MBNL2: variants seen among roughly 807,000 people sequenced by gnomAD.
MBNL2 encodes muscleblind like splicing regulator 2, also known as muscleblind-like protein 2.
In MBNL2, 17 loss-of-function variants were observed where a neutral mutation model predicts 41.9. The ratio of observed to expected loss-of-function variants is 0.41; its 90% CI spans 0.28 to 0.61. The LOEUF (loss-of-function observed/expected upper bound fraction) is 0.61. Among genes scored for constraint, MBNL2 ranks in the 20% least tolerant of loss-of-function variants. The pLI is 0.35. For missense variants in MBNL2, 336 were observed against 505.6 expected, an observed-to-expected ratio of 0.66 and a Z score of 3.22; for synonymous variants, 195 against 182.9, an observed-to-expected ratio of 1.07 and a Z score of -0.53.
intron 2 of MBNL2, among the ~76,000 whole-genome samples, chr13:97,321,566 G>A (rs924578000): frequency 5.3e-5 from 8 of 152,162 alleles, no homozygotes; most frequent in East Asian, 1.9e-4. Context: ...GAGAAGGCAC[G>A]TGTTTTGGTG....
chr13:97,389,163 C>T (rs2066184311), intron 8 of MBNL2, among the ~76,000 whole-genome samples: 1 of 152,144 alleles, frequency 6.6e-6, no homozygotes, highest in African/African-American at 2.4e-5. Context: ...TTAGTTAGCT[C>T]CAAGACTGAT....
At chr13:97,238,522 C>A (rs2043703319) in intron 1 of MBNL2, among the ~76,000 whole-genome samples, 1 of 152,100 alleles carries the variant, frequency 6.6e-6, no homozygotes, top group African/African-American at 2.4e-5. Flanking sequence ...GTGGCAGATC[C>A]TAAAGAAAGT....
the MBNL2 span, among the ~76,000 whole-genome samples, chr13:97,175,373 C>A: frequency 1.3e-5 from 2 of 152,310 alleles, no homozygotes; most frequent in East Asian, 3.9e-4. Flanking sequence ...GTCTTCTTCT[C>A]AGAGGATTTG....
At chr13:97,161,696 C>A in the MBNL2 span, among the ~76,000 whole-genome samples, 1 of 152,106 alleles carries the variant, frequency 6.6e-6, no homozygotes, top group African/African-American at 2.4e-5. Context: ...ATTATATCAT[C>A]ACACTGATAG....
chr13:97,194,328 G>T, the MBNL2 span, among the ~76,000 whole-genome samples: 1 of 152,166 alleles, frequency 6.6e-6, no homozygotes, highest in African/African-American at 2.4e-5. Flanking sequence ...CTGGTACATA[G>T]GTGGGCTCCT....
chr13:97,159,536 G>A, the MBNL2 span, among the ~76,000 whole-genome samples: 33 of 152,044 alleles, frequency 2.2e-4, no homozygotes, highest in African/African-American at 6.5e-4. Context: ...GGCTGGTACC[G>A]GTTGTTACTT....
the MBNL2 span, among the ~76,000 whole-genome samples, chr13:97,176,938 TTC>T: frequency 6.6e-6 from 1 of 151,950 alleles, no homozygotes; most frequent in African/African-American, 2.4e-5. Flanking sequence ...ATAGAGAAAA[TTC>T]TCTCTCTTGA....
intron 2 of MBNL2, among the ~76,000 whole-genome samples, chr13:97,333,218 A>C (rs924053663): frequency 1.3e-5 from 2 of 152,192 alleles, no homozygotes; most frequent in Non-Finnish European, 1.5e-5. Flanking sequence ...ATGATACTCA[A>C]ACTGGTTCAC....
At chr13:97,353,742 C>T (rs2062718108) in intron 5 of MBNL2, among the ~76,000 whole-genome samples, 1 of 152,152 alleles carries the variant, frequency 6.6e-6, no homozygotes, top group Non-Finnish European at 1.5e-5. Flanking sequence ...GTCTGATCTT[C>T]ATACAAGCAA....
chr13:97,203,239 A>C, the MBNL2 span, among the ~76,000 whole-genome samples: 1 of 152,228 alleles, frequency 6.6e-6, no homozygotes, highest in East Asian at 1.9e-4. Flanking sequence ...GTCATCAGAA[A>C]TTTACCAGTG....
chr13:97,219,991 G>A (rs2152756651), upstream of MBNL2, among the ~76,000 whole-genome samples: 1 of 152,352 alleles, frequency 6.6e-6, no homozygotes, highest in Non-Finnish European at 1.5e-5. Context: ...GAAAGACTTT[G>A]ATAATGGATT....
chr13:97,305,288 T>C (rs566159864), intron 2 of MBNL2, among the ~76,000 whole-genome samples: 1 of 152,304 alleles, frequency 6.6e-6, no homozygotes, highest in Admixed American at 6.5e-5. Flanking sequence ...AATTAAGAAA[T>C]TGCTATAACA....
chr13:97,343,776 AT>A (rs2061613440), intron 4 of MBNL2, among the ~76,000 whole-genome samples: 1 of 152,156 alleles, frequency 6.6e-6, no homozygotes, highest in South Asian at 2.1e-4. Context: ...AACAGGGGAA[AT>A]TGGAGGATGA....
chr13:97,348,388 G>A (rs1414856570), intron 5 of MBNL2, among the ~76,000 whole-genome samples: 1 of 152,114 alleles, frequency 6.6e-6, no homozygotes, highest in Admixed American at 6.5e-5. Flanking sequence ...AAGCTCCCAG[G>A]TGATTCCAAT....
At chr13:97,224,628 CAAAAAA>C (rs538498133) in intron 1 of MBNL2, among the ~76,000 whole-genome samples, 1 of 107,444 alleles carries the variant, frequency 9.3e-6, no homozygotes, top group African/African-American at 3.5e-5. Flanking sequence ...GACCTTTTAC[CAAAAAA>C]AAAAAAAAAA....
intron 5 of MBNL2, among the ~76,000 whole-genome samples, chr13:97,351,737 G>A (rs944012243): frequency 1.3e-5 from 2 of 152,118 alleles, no homozygotes; most frequent in African/African-American, 4.8e-5. Flanking sequence ...TCTAAATTAG[G>A]TTTTCGGCCA....
At chr13:97,230,377 A>G (rs1187346143) in intron 1 of MBNL2, among the ~76,000 whole-genome samples, 1 of 152,216 alleles carries the variant, frequency 6.6e-6, no homozygotes, top group East Asian at 1.9e-4. Flanking sequence ...ATGAGTTTTT[A>G]GACTTGAGAA....
At chr13:97,255,702 G>A (rs1334152349) in intron 1 of MBNL2, among the ~76,000 whole-genome samples, 2 of 152,172 alleles carry the variant, frequency 1.3e-5, no homozygotes, top group Non-Finnish European at 2.9e-5. Context: ...AGGAAAGCTG[G>A]TTGATCTTTT....
intron 6 of MBNL2, 54 bp downstream of exon 6, chr13:97,356,903 G>T (rs780329641): frequency 1.7e-6 from 2 of 1,164,108 alleles, no homozygotes; most frequent in Non-Finnish European, 2.3e-6. Context: ...AGAACCATCT[G>T]AGATTTGTAT....
Sources: allele counts gnomAD v4.1 joint callset (sites outside exome capture counted in the v4.1 genomes callset), GRCh38; gene constraint gnomAD v4.1.1; transcripts MANE v1.5; gene names NCBI Gene and HGNC (gene_info 2026-07-23, HGNC 2026-07-21).